The following SPOCK1 variants were observed in gnomAD, a reference collection of about 807,000 sequenced individuals.
SPOCK1 encodes SPARC (osteonectin), cwcv and kazal like domains proteoglycan 1, also known as testican-1.
Under a neutral mutation model 55.3 loss-of-function variants are expected in SPOCK1, and 23 were observed. The observed-to-expected ratio is 0.42, with a 90% CI of 0.30 to 0.59. The LOEUF (loss-of-function observed/expected upper bound fraction) is 0.59. SPOCK1 is among the 20% of genes least tolerant of loss of function. The pLI is 0.22. For synonymous variants in SPOCK1, 226 were observed against 221.0 expected (o/e 1.02, Z -0.20); for missense variants, 499 against 552.5 (o/e 0.90, Z 0.97).
chr5:137,157,891 C>T (rs1235793248), intron 3 of SPOCK1, among the ~76,000 whole-genome samples: 1 of 152,172 alleles, frequency 6.6e-6, no homozygotes, highest in Non-Finnish European at 1.5e-5. Context: ...GAAACCCCGT[C>T]TTTACTAAAA....
chr5:137,186,070 C>G (rs1336268919), intron 3 of SPOCK1, among the ~76,000 whole-genome samples: 2 of 152,208 alleles, frequency 1.3e-5, no homozygotes, highest in Non-Finnish European at 2.9e-5. Flanking sequence ...CCTGTCCTCA[C>G]AAGCACAAAG....
At chr5:137,483,337 A>G (rs1753987842) in intron 2 of SPOCK1, among the ~76,000 whole-genome samples, 2 of 152,196 alleles carry the variant, frequency 1.3e-5, no homozygotes, top group Admixed American at 6.5e-5. Flanking sequence ...TCCCAGAAAT[A>G]AAAATAAAAA....
At chr5:137,294,861 C>T (rs1441077870) in intron 2 of SPOCK1, among the ~76,000 whole-genome samples, 4 of 152,224 alleles carry the variant, frequency 2.6e-5, no homozygotes, top group Non-Finnish European at 4.4e-5. Context: ...ATCCACATAG[C>T]TTACTACCTC....
intron 2 of SPOCK1, among the ~76,000 whole-genome samples, chr5:137,303,215 A>G (rs1454326151): frequency 3.2e-4 from 48 of 152,174 alleles, no homozygotes; most frequent in Admixed American, 3.1e-3. Flanking sequence ...TATATGTAGA[A>G]AAAAGAGACA....
At chr5:137,318,219 C>T (rs914004571) in intron 2 of SPOCK1, among the ~76,000 whole-genome samples, 6 of 152,098 alleles carry the variant, frequency 3.9e-5, no homozygotes, top group Admixed American at 3.3e-4. Flanking sequence ...GATGAGCTGT[C>T]CCCCCGCTGC....
Position 137,031,458 on chromosome 5 carries a change from A to C in SPOCK1, c.589+36257T>G, listed in dbSNP as rs570458961. Among the ~76,000 whole-genome samples, 45 of 152,318 alleles carry C rather than the reference A, an allele frequency of 3.0e-4. 2 individuals are homozygous for C. The highest frequency in any genetic ancestry group is 1.0e-3 in the African/African-American group (43 of 41,574). On this transcript the variant is annotated intron_variant, in intron 6 of 10. Coordinates refer to ENST00000394945, the MANE Select transcript of SPOCK1 (RefSeq NM_004598.4). ...CCAATGGGAAAACCTAGCAGCTACT[A>C]TATGTTTGTAATTCTAATTCTTCCC...
intron 5 of SPOCK1, among the ~76,000 whole-genome samples, chr5:137,109,543 T>A (rs1441955416): frequency 6.6e-6 from 1 of 152,158 alleles, no homozygotes; most frequent in Admixed American, 6.5e-5. Context: ...GATCTCACAT[T>A]CTTAAGGCAA....
At chr5:137,351,192 A>G (rs1021943105) in intron 2 of SPOCK1, among the ~76,000 whole-genome samples, 1 of 152,174 alleles carries the variant, frequency 6.6e-6, no homozygotes, top group African/African-American at 2.4e-5. Flanking sequence ...GGAAAGGTAG[A>G]CCTTCTGCAC....
chr5:137,482,027 C>A (rs900701350), intron 2 of SPOCK1, among the ~76,000 whole-genome samples: 1 of 152,184 alleles, frequency 6.6e-6, no homozygotes, highest in African/African-American at 2.4e-5. Flanking sequence ...GACATCTGAC[C>A]TTTACCTGGC....
chr5:137,405,827 A>T (rs958244867), intron 2 of SPOCK1, among the ~76,000 whole-genome samples: 1 of 152,218 alleles, frequency 6.6e-6, no homozygotes, highest in South Asian at 2.1e-4. Flanking sequence ...CTGTGGATCA[A>T]CAGTACATCT....
At chr5:137,437,388 A>G (rs1752888763) in intron 2 of SPOCK1, among the ~76,000 whole-genome samples, 1 of 152,206 alleles carries the variant, frequency 6.6e-6, no homozygotes. Context: ...GCAATAAAAG[A>G]GATTAAGTTT....
chr5:137,382,966 C>A (rs1430757790), intron 2 of SPOCK1, among the ~76,000 whole-genome samples: 1 of 152,124 alleles, frequency 6.6e-6, no homozygotes, highest in Non-Finnish European at 1.5e-5. Flanking sequence ...TTTCCAGTCC[C>A]TTTCCACAAT....
chr5:137,400,731 C>T (rs1011920545), intron 2 of SPOCK1, among the ~76,000 whole-genome samples: 5 of 152,138 alleles, frequency 3.3e-5, no homozygotes, highest in African/African-American at 1.2e-4. Context: ...TTTAGCGGGC[C>T]CTTGAGAAGA....
At position 137,196,134 on chromosome 5, in the gene SPOCK1, G is replaced by T. The variant is rs142522107; in HGVS notation, c.233-55440C>A. ...CATTACCTCATAGATCATTGCCTCA[G>T]GCCCTCTGACACCCCTCACCTATTC... On this transcript the variant is annotated intron_variant, in intron 3 of 10. Coordinates refer to ENST00000394945, the MANE Select transcript of SPOCK1 (RefSeq NM_004598.4). Among the ~76,000 whole-genome samples the T allele has an allele frequency of 2.0e-5, 3 of 152,200 alleles. No homozygotes were observed. In the East Asian group the frequency reaches 5.8e-4, roughly 29 times the overall value.
In SPOCK1 at chr5:137,104,569, G is replaced by A. The variant is rs1228864567; in HGVS notation, c.474+7866C>T. Among the ~76,000 whole-genome samples, 7 of 152,186 alleles carry A rather than the reference G, an allele frequency of 4.6e-5. No homozygotes were observed. The East Asian group carries it at 1.3e-3, about 29-fold the overall frequency. On this transcript the variant is annotated intron_variant, in intron 5 of 10. Transcript: ENST00000394945. ...GTCTGTTAGGAACCGGCCCACAGCA[G>A]GAAATAAGCAGTGGGCAAGCGAGCA...
At chr5:137,182,983 CA>C (rs1309445567) in intron 3 of SPOCK1, among the ~76,000 whole-genome samples, 1 of 152,160 alleles carries the variant, frequency 6.6e-6, no homozygotes, top group Non-Finnish European at 1.5e-5. Context: ...TCATTAGGTA[CA>C]AGGCACCTGC....
intron 2 of SPOCK1, among the ~76,000 whole-genome samples, chr5:137,295,232 A>C (rs1435718757): frequency 6.6e-6 from 1 of 152,198 alleles, no homozygotes; most frequent in Non-Finnish European, 1.5e-5. Context: ...GTACTTCCCC[A>C]ACATTCTACA....
At chr5:137,069,324 T>A (rs1752565932) in intron 5 of SPOCK1, among the ~76,000 whole-genome samples, 1 of 152,212 alleles carries the variant, frequency 6.6e-6, no homozygotes, top group African/African-American at 2.4e-5. Flanking sequence ...TGGCTCCCTC[T>A]TGATACAAAA....
intron 5 of SPOCK1, among the ~76,000 whole-genome samples, chr5:137,083,330 G>T (rs183631537): frequency 6.6e-6 from 1 of 152,118 alleles, no homozygotes; most frequent in Non-Finnish European, 1.5e-5. Flanking sequence ...GCAGAGTGGC[G>T]GAAGCAGAGG....
Sources: gnomAD v4.1 joint callset for allele counts (sites outside exome capture counted in the v4.1 genomes callset) on GRCh38, gnomAD v4.1.1 for gene constraint, MANE v1.5 for transcripts, NCBI Gene and HGNC (gene_info 2026-07-23, HGNC 2026-07-21) for gene names.